CCN4: variants seen among roughly 807,000 people sequenced by gnomAD.
CCN4 encodes the protein CCN family member 4.
CCN4 carries 30 observed loss-of-function variants against 36.7 expected under a neutral mutation model. That is an observed-to-expected ratio of 0.82 (90% CI 0.61 to 1.11). The LOEUF (loss-of-function observed/expected upper bound fraction) is 1.11. CCN4 is among the 50% of genes least tolerant of loss of function. The probability of loss-of-function intolerance (pLI) is 0.00; values close to 1 mark genes in which losing one functional copy is unlikely to be tolerated. For missense variants in CCN4, 505 were observed against 504.9 expected (o/e 1.00, Z 0.00); for synonymous variants, 191 against 195.4 (o/e 0.98, Z 0.19).
Position 133,230,212 on chromosome 8 carries a change from G to A in CCN4, c.*2502G>A, listed in dbSNP as rs2929972. On this transcript the variant is annotated 3_prime_UTR_variant, in exon 5 of 5. Transcript: ENST00000250160. Reference sequence around the variant, plus strand: ...TGCAGAGCCCGGAGGGCAAGTCTCAGACCCATGGGTTGAAGCCATGGAGAA... The same window carrying A: ...TGCAGAGCCCGGAGGGCAAGTCTCAAACCCATGGGTTGAAGCCATGGAGAA... 0.52 allele frequency: 79,063 copies of A among 152,180 alleles called. 20,821 individuals carry two copies. The highest frequency in any genetic ancestry group is 0.62 in the East Asian group (3,201 of 5,182). The allele number at this position is 152,180 out of a possible 1,614,324, so 9.4% of individuals were successfully genotyped here. A position where few individuals can be genotyped will look rare whatever the true frequency, so the allele number is the denominator to read the frequency against.
intron 3 of CCN4, among the ~76,000 whole-genome samples, chr8:133,224,890 G>T (rs1854670114): frequency 6.6e-6 from 1 of 150,910 alleles, no homozygotes; most frequent in Admixed American, 6.6e-5. Context: ...AGCTGAGATT[G>T]TGCCATTGCA....
chr8:133,208,757 C>T (rs527658116), intron 1 of CCN4, among the ~76,000 whole-genome samples: 2 of 152,234 alleles, frequency 1.3e-5, no homozygotes, highest in South Asian at 2.1e-4. Flanking sequence ...TTGGGAAGCC[C>T]TCTTCAGCCC....
chr8:133,209,853 C>T (rs1198828936), intron 1 of CCN4, among the ~76,000 whole-genome samples: 2 of 152,210 alleles, frequency 1.3e-5, no homozygotes, highest in Non-Finnish European at 2.9e-5. Flanking sequence ...GCCCCTTCAC[C>T]CTTCCAACTG....
At chr8:133,193,598 A>G (rs1001946318) in intron 1 of CCN4, among the ~76,000 whole-genome samples, 1 of 152,262 alleles carries the variant, frequency 6.6e-6, no homozygotes, top group African/African-American at 2.4e-5. Context: ...GAGCCAACAC[A>G]TGTATAAGAC....
chr8:133,205,768 A>G (rs1426407454), intron 1 of CCN4, among the ~76,000 whole-genome samples: 1 of 152,180 alleles, frequency 6.6e-6, no homozygotes, highest in Non-Finnish European at 1.5e-5. Context: ...GAAGGAAAGC[A>G]CTATTTTTGA....
chr8:133,211,270 T>C (rs1279515543), intron 1 of CCN4, among the ~76,000 whole-genome samples: 3 of 152,230 alleles, frequency 2.0e-5, no homozygotes, highest in Non-Finnish European at 4.4e-5. Flanking sequence ...CCTCGAGTTG[T>C]AGTAAATCAC....
intron 1 of CCN4, among the ~76,000 whole-genome samples, chr8:133,211,528 T>C (rs998189431): frequency 2.0e-5 from 3 of 152,192 alleles, no homozygotes; most frequent in African/African-American, 7.2e-5. Flanking sequence ...CTTCGGGTCT[T>C]GCCTTCCTCC....
In CCN4 at chr8:133,224,966, A is replaced by T. The variant is rs1208289512; in HGVS notation, c.611-424A>T. On this transcript the variant is annotated intron_variant, in intron 3 of 4. Coordinates refer to ENST00000250160, the MANE Select transcript of CCN4 (RefSeq NM_003882.4). ...AAAAAAAAAAAGTCCCATTCCCAGC[A>T]CCTAGCAAGATGATTGATGCATACT... 4.0e-5 allele frequency among the ~76,000 whole-genome samples: 6 copies of T among 151,294 alleles called. No individual in the cohort carries two copies. The East Asian group carries it at 1.2e-3, about 29-fold the overall frequency.
At chr8:133,214,776 T>G (rs1689619517) in intron 2 of CCN4, among the ~76,000 whole-genome samples, 1 of 152,142 alleles carries the variant, frequency 6.6e-6, no homozygotes, top group African/African-American at 2.4e-5. Flanking sequence ...AAAACTCCCT[T>G]CTTCCCTTAG....
At chr8:133,191,546 C>T (rs1010625053) in intron 1 of CCN4, among the ~76,000 whole-genome samples, 2 of 152,182 alleles carry the variant, frequency 1.3e-5, no homozygotes, top group African/African-American at 2.4e-5. Context: ...CTTCGCCTAA[C>T]CTGGCTGTGT....
chr8:133,224,422 T>C (rs2130620202), intron 3 of CCN4, among the ~76,000 whole-genome samples: 1 of 151,838 alleles, frequency 6.6e-6, no homozygotes, highest in Non-Finnish European at 1.5e-5. Flanking sequence ...TATTTTTTAG[T>C]AGAGATGGGG....
At position 133,191,090 on chromosome 8, in the gene CCN4, G is replaced by A. The variant is rs888080843; in HGVS notation, c.-55G>A. Reference sequence around the variant, plus strand: ...CAGTCTGGGCCCAGCTCCCCCGAGAGGTGGTCGGATCCTCTGGGCTGCTCG... The same window carrying A: ...CAGTCTGGGCCCAGCTCCCCCGAGAAGTGGTCGGATCCTCTGGGCTGCTCG... On this transcript the variant is annotated 5_prime_UTR_variant, in exon 1 of 5. Transcript: ENST00000250160. The A allele has an allele frequency of 6.3e-7, 1 of 1,591,888 alleles. No homozygotes were observed. The highest frequency in any genetic ancestry group is 1.7e-5 in the Admixed American group (1 of 59,852).
intron 3 of CCN4, among the ~76,000 whole-genome samples, chr8:133,223,630 CTT>C (rs1854612731): frequency 1.4e-5 from 2 of 144,984 alleles, no homozygotes; most frequent in South Asian, 2.4e-4. Flanking sequence ...CCTCCTGTTT[CTT>C]TCTCTCTCTC....
chr8:133,210,386 G>GGTGT lies in CCN4; in HGVS notation c.70-2445_70-2442dup, dbSNP rs71299053. Among the ~76,000 whole-genome samples the GGTGT allele has an allele frequency of 5.5e-3, 804 of 145,682 alleles. 6 individuals carry two copies. The highest frequency in any genetic ancestry group is 0.014 in the African/African-American group (548 of 39,114). ...GTCTCTCCCCAAAGTCAAAAAGAGG[G>GGTGT]GTGTGTGTGTGTGTGTGTGTGTGTG... On this transcript the variant is annotated intron_variant, in intron 1 of 4. Coordinates refer to ENST00000250160, the MANE Select transcript of CCN4 (RefSeq NM_003882.4).
rs150173194 is a variant in CCN4, at chr8:133,203,011, C to A, written c.70-9853C>A. On this transcript the variant is annotated intron_variant, in intron 1 of 4. Transcript: ENST00000250160. ...ACAGAAGCTGCTTCCAGCAGGACAACCCTGTCCTGAAAGCTCCCGGGCCCA... is the reference window on the plus strand; with the variant it reads ...ACAGAAGCTGCTTCCAGCAGGACAAACCTGTCCTGAAAGCTCCCGGGCCCA... Among the ~76,000 whole-genome samples, 117 of 152,346 alleles carry A rather than the reference C, an allele frequency of 7.7e-4. No homozygotes were observed. The East Asian group carries it at 0.016, about 21-fold the overall frequency.
At chr8:133,199,895 A>G (rs144741875) in intron 1 of CCN4, among the ~76,000 whole-genome samples, 2 of 152,160 alleles carry the variant, frequency 1.3e-5, no homozygotes, top group Admixed American at 1.3e-4. Flanking sequence ...GATGTTCACG[A>G]GAGCCCTATG....
intron 2 of CCN4, among the ~76,000 whole-genome samples, chr8:133,217,769 G>A (rs1425541461): frequency 2.0e-5 from 3 of 152,142 alleles, no homozygotes; most frequent in Non-Finnish European, 2.9e-5. Flanking sequence ...CTGAGGCCTG[G>A]CATGAGCATC....
intron 2 of CCN4, among the ~76,000 whole-genome samples, chr8:133,215,185 C>G (rs1854275184): frequency 6.6e-6 from 1 of 152,214 alleles, no homozygotes; most frequent in Non-Finnish European, 1.5e-5. Context: ...AAATGTTATT[C>G]TTGAGCCCCA....
intron 1 of CCN4, among the ~76,000 whole-genome samples, chr8:133,199,600 C>T (rs1319193613): frequency 6.6e-6 from 1 of 152,172 alleles, no homozygotes; most frequent in East Asian, 1.9e-4. Context: ...TTTGGGAGCT[C>T]ATGGATAACA....
Sources: allele counts gnomAD v4.1 joint callset (sites outside exome capture counted in the v4.1 genomes callset), GRCh38; gene constraint gnomAD v4.1.1; transcripts MANE v1.5; gene names NCBI Gene and HGNC (gene_info 2026-07-23, HGNC 2026-07-21).